ANKFY1: variants seen among roughly 807,000 people sequenced by gnomAD.
ANKFY1 encodes ankyrin repeat and FYVE domain-containing protein 1.
ANKFY1 carries 47 observed loss-of-function variants against 128.3 expected under a neutral mutation model. That is an observed-to-expected ratio of 0.37 (90% confidence interval 0.29 to 0.47). The LOEUF (loss-of-function observed/expected upper bound fraction) is 0.47, where lower values mean the gene tolerates loss of function less well. Ranked by LOEUF, ANKFY1 falls within the 20% of genes least tolerant of loss-of-function variation. The pLI is 1.00. For missense variants in ANKFY1, 1,222 were observed against 1,510.6 expected (o/e 0.81, Z 3.17); for synonymous variants, 553 against 601.6 (o/e 0.92, Z 1.18).
intron 4 of ANKFY1, among the ~76,000 whole-genome samples, chr17:4,216,254 C>G (rs2060219372): frequency 6.6e-6 from 1 of 152,166 alleles, no homozygotes. Flanking sequence ...CCTTCACTCA[C>G]CCAGGAGAAA....
intron 3 of ANKFY1, among the ~76,000 whole-genome samples, chr17:4,232,762 T>G (rs990707472): frequency 6.6e-6 from 1 of 152,166 alleles, no homozygotes; most frequent in Non-Finnish European, 1.5e-5. Context: ...CTCTAAACGT[T>G]TGGATGTACT....
At position 4,181,079 on chromosome 17, in the gene ANKFY1, G is replaced by A. The variant is rs565791457; in HGVS notation, c.2240+175C>T. 1.1e-4 allele frequency: 61 copies of A among 576,212 alleles called. No homozygotes were observed. The highest frequency in any genetic ancestry group is 1.2e-4 in the Admixed American group (4 of 33,752). The allele number at this position is 576,212 out of a possible 1,614,324, so 35.7% of individuals were successfully genotyped here. A position where few individuals can be genotyped will look rare whatever the true frequency, so the allele number is the denominator to read the frequency against. ...GCTGTGAGCTCCTCCCGTCACAAGT[G>A]AGCCTGGCTCCTGGCTGACTTGACA... On this transcript the variant is annotated intron_variant, in intron 16 of 24. Transcript: ENST00000341657. The surrounding 1 kb of genome is among the most constrained non-coding windows in gnomAD (Gnocchi z 4.9).
intron 8 of ANKFY1, 98 bp downstream of exon 8, chr17:4,197,275 A>G: frequency 1.5e-6 from 2 of 1,295,668 alleles, no homozygotes; most frequent in Non-Finnish European, 1.1e-6. Context: ...AATAATGCCA[A>G]ACTAAAGAAC....
At chr17:4,218,522 G>A (rs569973989) in intron 3 of ANKFY1, among the ~76,000 whole-genome samples, 53 of 152,296 alleles carry the variant, frequency 3.5e-4, no homozygotes, top group Admixed American at 1.2e-3. Context: ...CAAGGTGGGC[G>A]GATGGCTTGA....
intron 3 of ANKFY1, among the ~76,000 whole-genome samples, chr17:4,219,325 G>A (rs1292983711): frequency 6.6e-6 from 1 of 152,166 alleles, no homozygotes; most frequent in Non-Finnish European, 1.5e-5. Flanking sequence ...AATTCTCACG[G>A]TGTTGTCCTG....
chr17:4,174,416 T>C (rs532270047), intron 19 of ANKFY1, among the ~76,000 whole-genome samples: 43 of 152,258 alleles, frequency 2.8e-4, no homozygotes, highest in African/African-American at 1.0e-3. Context: ...AGGGGTTTGG[T>C]TGTAAAAAAT....
intron 1 of ANKFY1, among the ~76,000 whole-genome samples, chr17:4,260,387 C>T (rs768958940): frequency 4.6e-5 from 7 of 152,082 alleles, no homozygotes; most frequent in Non-Finnish European, 1.0e-4. Context: ...GAGGCCCAGG[C>T]AGGTGAATGG....
intron 1 of ANKFY1, among the ~76,000 whole-genome samples, chr17:4,250,335 CT>C (rs1293125733): frequency 5.3e-5 from 8 of 152,168 alleles, no homozygotes; most frequent in Non-Finnish European, 1.2e-4. Context: ...AAATCAAAGT[CT>C]TCTTCCTACT....
chr17:4,257,682 C>G (rs1183293684), intron 1 of ANKFY1, among the ~76,000 whole-genome samples: 1 of 152,208 alleles, frequency 6.6e-6, no homozygotes, highest in Non-Finnish European at 1.5e-5. Context: ...TTACCCTTCA[C>G]CTTAAAATAT....
chr17:4,205,805 T>C (rs926783723), intron 7 of ANKFY1, among the ~76,000 whole-genome samples: 5 of 152,178 alleles, frequency 3.3e-5, no homozygotes, highest in South Asian at 4.1e-4. Context: ...CTTCCAACTA[T>C]TAACAATGCA....
intron 6 of ANKFY1, among the ~76,000 whole-genome samples, chr17:4,207,645 AAACT>A: frequency 6.6e-6 from 1 of 152,292 alleles, no homozygotes; most frequent in East Asian, 1.9e-4. Context: ...CAGCAAAAGT[AAACT>A]AACACAGATT....
chr17:4,216,976 G>A lies in ANKFY1; in HGVS notation c.458+7C>T, dbSNP rs746429631. ...TGAGGTGCTTGAATATATCTGCTGTGACTTGCCTCTCCCTGAGGAGCTGTA... is the reference window on the plus strand; with the variant it reads ...TGAGGTGCTTGAATATATCTGCTGTAACTTGCCTCTCCCTGAGGAGCTGTA... On this transcript the variant is annotated splice_region_variant and intron_variant, in intron 4 of 24. Coordinates refer to ENST00000341657, the MANE Select transcript of ANKFY1 (RefSeq NM_001330063.2). 2 of 1,614,000 alleles carry A rather than the reference G, an allele frequency of 1.2e-6. No homozygotes were observed. Among genetic ancestry groups the A allele is most frequent in the Non-Finnish European group, 1.7e-6 (2 of 1,179,984 alleles).
intron 4 of ANKFY1, among the ~76,000 whole-genome samples, chr17:4,213,187 G>T (rs2143019519): frequency 6.6e-6 from 1 of 151,956 alleles, no homozygotes; most frequent in East Asian, 1.9e-4. Flanking sequence ...ACTAAGATCT[G>T]TCAAAGCTTT....
At chr17:4,182,137 A>G (rs1312901618) in intron 15 of ANKFY1, 44 bp downstream of exon 15, 3 of 1,413,550 alleles carry the variant, frequency 2.1e-6, no homozygotes, top group African/African-American at 2.9e-5. Context: ...CTGACACAAC[A>G]TATCCCCATC....
Position 4,176,993 on chromosome 17 carries a change from C to T in ANKFY1, c.2775+133G>A, listed in dbSNP as rs2059421144. 8 of 971,718 alleles carry T rather than the reference C, an allele frequency of 8.2e-6. No homozygotes were observed. In the Admixed American group the frequency reaches 1.9e-4, roughly 23 times the overall value. 60.2% of individuals were successfully genotyped at this position (971,718 alleles called of 1,614,324 possible). On this transcript the variant is annotated intron_variant, in intron 19 of 24. Coordinates refer to ENST00000341657, the MANE Select transcript of ANKFY1 (RefSeq NM_001330063.2). ...GCCCTTGACACCAGTTTCCTGAGTGCACCAGCCTCGCTCCCCAAATTCCCC... is the reference window on the plus strand; with the variant it reads ...GCCCTTGACACCAGTTTCCTGAGTGTACCAGCCTCGCTCCCCAAATTCCCC...
intron 1 of ANKFY1, among the ~76,000 whole-genome samples, chr17:4,256,748 T>C (rs1027114754): frequency 1.1e-4 from 16 of 152,210 alleles, no homozygotes; most frequent in African/African-American, 2.9e-4. Context: ...AGGTTAAGGT[T>C]GTGTCTTGCT....
intron 11 of ANKFY1, among the ~76,000 whole-genome samples, chr17:4,186,152 C>T (rs533640649): frequency 5.0e-4 from 76 of 152,308 alleles, no homozygotes; most frequent in African/African-American, 1.8e-3. Flanking sequence ...GGCGTGTCCA[C>T]GTGTATGTCC....
Position 4,173,977 on chromosome 17 carries a change from G to A in ANKFY1, c.2855C>T (p.Pro952Leu). Residue 952 changes from proline to leucine, a missense_variant, in exon 20 of 25, where the codon CCC becomes CTC. Transcript: ENST00000341657. The stretch of plus-strand genomic sequence containing the variant: ...CTCTAGGAGGACTGAGCAGATGGTG[G>A]GCAGGTCCTGCTGGGCAGCAAGATG... ...ALHLAAQQDL[P>L]TICSVLLENG... The A allele has an allele frequency of 1.9e-6, 3 of 1,614,208 alleles. No individual in the cohort carries two copies. The highest frequency in any genetic ancestry group is 2.5e-6 in the Non-Finnish European group (3 of 1,180,016).
At chr17:4,242,717 C>G (rs1421031833) in intron 1 of ANKFY1, among the ~76,000 whole-genome samples, 1 of 152,138 alleles carries the variant, frequency 6.6e-6, no homozygotes, top group East Asian at 1.9e-4. Context: ...AACGTACTGT[C>G]TCCACGTTTT....
Sources: gnomAD v4.1 joint callset for allele counts (sites outside exome capture counted in the v4.1 genomes callset) on GRCh38, gnomAD v4.1.1 for gene constraint, Gnocchi (gnomAD v3.1) non-coding constraint, MANE v1.5 for transcripts, NCBI Gene and HGNC (gene_info 2026-07-23, HGNC 2026-07-21) for gene names.